Variants in DNMT3B observed in about 807,000 individuals in gnomAD.
DNMT3B encodes DNA (cytosine-5)-methyltransferase 3B.
A neutral mutation model predicts 120.2 loss-of-function variants in DNMT3B; 37 were observed. The ratio of observed to expected loss-of-function variants is 0.31; its 90% CI spans 0.24 to 0.40. DNMT3B has a LOEUF of 0.40. DNMT3B is among the 10% of genes least tolerant of loss of function. DNMT3B has a pLI of 1.00. For synonymous variants in DNMT3B, 412 were observed against 442.8 expected, an observed-to-expected ratio of 0.93 and a Z score of 0.87; for missense variants, 878 against 1,137.3, an observed-to-expected ratio of 0.77 and a Z score of 3.28.
At chr20:32,805,013 G>A (rs1019033096) in intron 20 of DNMT3B, among the ~76,000 whole-genome samples, 2 of 152,112 alleles carry the variant, frequency 1.3e-5, no homozygotes, top group Non-Finnish European at 2.9e-5. Flanking sequence ...AGTGTGACTC[G>A]CTCAAGCTCA....
chr20:32,762,927 T>TA (rs1300551317), intron 1 of DNMT3B, among the ~76,000 whole-genome samples: 2 of 151,828 alleles, frequency 1.3e-5, no homozygotes, highest in East Asian at 3.9e-4. Flanking sequence ...GCGGGGGACA[T>TA]ACGTCTGACG....
In DNMT3B at chr20:32,786,572, G is replaced by C. The variant is rs780085636; in HGVS notation, c.377G>C (p.Gly126Ala). The change falls in exon 5 of 23, where the codon GGC (glycine) becomes GCC (alanine). Residue 126 changes from glycine (G) to alanine (A), a missense_variant. This residue lies in a region of DNMT3B where 287 missense variants were observed against 306.2 expected (regional missense o/e 0.94). Coordinates refer to ENST00000328111, the MANE Select transcript of DNMT3B (RefSeq NM_006892.4). ...RHRPSPRSTR[G>A]RQGRNHVDES... ...AGGCCTTCCCCACGTTCCACCCGAG[G>C]CCGGCAGGGCCGCAACCATGTGGAC... 6 of 1,613,952 alleles carry C rather than the reference G, an allele frequency of 3.7e-6. No individual in the cohort carries two copies. The Admixed American group carries it at 1.0e-4, about 27-fold the overall frequency.
chr20:32,795,269 G>A (rs1980462988), intron 10 of DNMT3B, 140 bp from the exon 11 acceptor site: 2 of 1,317,948 alleles, frequency 1.5e-6, no homozygotes, highest in Non-Finnish European at 2.2e-6. Flanking sequence ...CCCATCAAGG[G>A]GCCATATACA....
Position 32,805,470 on chromosome 20 carries a change from G to A in DNMT3B, c.2301+63G>A, listed in dbSNP as rs370682167. On this transcript the variant is annotated intron_variant, in intron 21 of 22. Coordinates refer to ENST00000328111, the MANE Select transcript of DNMT3B (RefSeq NM_006892.4). ...GTGACCTCCAAGTGGGGACTTGGGA[G>A]ATGACCTTGGTGTTTGATTGGTTCC... 3 of 1,601,164 alleles carry A rather than the reference G, an allele frequency of 1.9e-6. No individual in the cohort carries two copies. In the African/African-American group the frequency reaches 4.0e-5, roughly 21 times the overall value.
chr20:32,773,380 A>G (rs1987863703), intron 1 of DNMT3B, among the ~76,000 whole-genome samples: 1 of 152,146 alleles, frequency 6.6e-6, no homozygotes, highest in Admixed American at 6.6e-5. Flanking sequence ...AGAGGCACTG[A>G]GCAATTCCCC....
chr20:32,793,479 C>G, intron 9 of DNMT3B, 57 bp from the exon 10 acceptor site: 1 of 1,584,008 alleles, frequency 6.3e-7, no homozygotes, highest in Non-Finnish European at 8.7e-7. Context: ...AAAAAGAAAA[C>G]AGTCCATACA....
chr20:32,792,545 C>T (rs1475876224), intron 8 of DNMT3B, 81 bp from the exon 9 acceptor site: 14 of 1,610,614 alleles, frequency 8.7e-6, no homozygotes, highest in Non-Finnish European at 1.1e-5. Flanking sequence ...AATGTAGGCC[C>T]TGGCTGGGGG....
chr20:32,784,109 G>A (rs2145927828), intron 3 of DNMT3B, among the ~76,000 whole-genome samples: 1 of 152,262 alleles, frequency 6.6e-6, no homozygotes, highest in East Asian at 1.9e-4. Context: ...TAGAGACAGG[G>A]TTTCGCCATA....
At chr20:32,798,759 C>A (rs1568855239) in intron 15 of DNMT3B, 116 bp downstream of exon 15, 6 of 1,445,868 alleles carry the variant, frequency 4.1e-6, no homozygotes, top group African/African-American at 1.4e-5. Flanking sequence ...CCTCTTGGAG[C>A]CTCAATGGCT....
At chr20:32,803,988 A>G (rs1367255087) in intron 20 of DNMT3B, among the ~76,000 whole-genome samples, 1 of 152,146 alleles carries the variant, frequency 6.6e-6, no homozygotes, top group Non-Finnish European at 1.5e-5. Context: ...AGGAGAGATG[A>G]CTGATTATGA....
rs532347792 is a variant in DNMT3B, at chr20:32,800,849, C to T, written c.1920C>T (p.Gly640=). The part of the protein sequence containing the change: ...NITKKNIEEW[G]PFDLVIGGSP... ...CTCTCTTTCAGATTGAAGAATGGGG[C>T]CCATTTGACTTGGTGATTGGCGGAA... Residue 640 remains glycine, a synonymous_variant, in exon 18 of 23, where the codon GGC becomes GGT. Coordinates refer to ENST00000328111, the MANE Select transcript of DNMT3B (RefSeq NM_006892.4). 9.8e-5 allele frequency: 158 copies of T among 1,614,210 alleles called. No individual in the cohort carries two copies. In the South Asian group the frequency reaches 1.5e-3, roughly 16 times the overall value.
chr20:32,786,424 G>A, intron 4 of DNMT3B, 78 bp from the exon 5 acceptor site: 2 of 1,607,520 alleles, frequency 1.2e-6, no homozygotes, highest in South Asian at 1.1e-5. Context: ...GCCACCTGAA[G>A]GCCTAATCCT....
At chr20:32,766,175 CT>C (rs1465025638) in intron 1 of DNMT3B, among the ~76,000 whole-genome samples, 1 of 152,108 alleles carries the variant, frequency 6.6e-6, no homozygotes, top group African/African-American at 2.4e-5. Context: ...AAAACCGTGA[CT>C]CTACAAAAAA....
chr20:32,791,271 CAG>C (rs1568844749), intron 7 of DNMT3B, among the ~76,000 whole-genome samples: 1 of 152,186 alleles, frequency 6.6e-6, no homozygotes, highest in African/African-American at 2.4e-5. Flanking sequence ...GACTGAGCCT[CAG>C]GGGTCCACAC....
At position 32,783,955 on chromosome 20, in the gene DNMT3B, A is replaced by C. The variant is rs182515880; in HGVS notation, c.205-803A>C. On this transcript the variant is annotated intron_variant, in intron 3 of 22. Coordinates refer to ENST00000328111, the MANE Select transcript of DNMT3B (RefSeq NM_006892.4). Reference sequence around the variant, plus strand: ...GATGGAGTCTTACTCTTGTTCCCCAAGCTAGAGTGCGGTGGCGCGATCTCG... The same window carrying C: ...GATGGAGTCTTACTCTTGTTCCCCACGCTAGAGTGCGGTGGCGCGATCTCG... Among the ~76,000 whole-genome samples the C allele has an allele frequency of 4.1e-5, 6 of 147,936 alleles. No homozygotes were observed. In the East Asian group the frequency reaches 1.2e-3, roughly 29 times the overall value.
chr20:32,788,756 G>A, intron 6 of DNMT3B, 98 bp from the exon 7 acceptor site: 2 of 1,504,978 alleles, frequency 1.3e-6, no homozygotes, highest in Admixed American at 1.7e-5. Context: ...GCATTTTATG[G>A]CAAGCTTTTT....
chr20:32,800,546 C>T (rs1981206423), intron 17 of DNMT3B, among the ~76,000 whole-genome samples: 1 of 152,164 alleles, frequency 6.6e-6, no homozygotes, highest in Non-Finnish European at 1.5e-5. Flanking sequence ...GTAACCTCTG[C>T]CTCCCGGGTT....
chr20:32,786,024 C>T (rs1259672816), intron 4 of DNMT3B, among the ~76,000 whole-genome samples: 1 of 152,132 alleles, frequency 6.6e-6, no homozygotes, highest in East Asian at 1.9e-4. Context: ...GCTGTGACTA[C>T]AGGCACCCAC....
intron 1 of DNMT3B, among the ~76,000 whole-genome samples, chr20:32,766,370 A>G (rs1300898438): frequency 6.6e-6 from 1 of 151,870 alleles, no homozygotes; most frequent in African/African-American, 2.4e-5. Flanking sequence ...GTAGATATAG[A>G]TAGCTTAAGT....
Sources: allele counts gnomAD v4.1 joint callset (sites outside exome capture counted in the v4.1 genomes callset), GRCh38; gene constraint gnomAD v4.1.1; regional missense constraint gnomAD v4.1.1; transcripts MANE v1.5; gene names NCBI Gene and HGNC (gene_info 2026-07-23, HGNC 2026-07-21).